The following CNOT1 variants were observed in gnomAD, a reference collection of about 807,000 sequenced individuals.
CNOT1 encodes CCR4-associated factor 1.
A neutral mutation model predicts 273.8 loss-of-function variants in CNOT1; 15 were observed. The ratio of observed to expected loss-of-function variants is 0.05; its 90% confidence interval spans 0.04 to 0.08. The LOEUF (loss-of-function observed/expected upper bound fraction) is 0.08, where lower values mean the gene tolerates loss of function less well. Ranked by LOEUF, CNOT1 falls within the 10% of genes least tolerant of loss-of-function variation. The pLI is 1.00. For synonymous variants in CNOT1, 1,022 were observed against 1,005.5 expected (o/e 1.02, Z -0.31); for missense variants, 1,644 against 2,912.2 (o/e 0.56, Z 10.02).
intron 16 of CNOT1, among the ~76,000 whole-genome samples, chr16:58,573,290 G>A (rs182681237): frequency 2.0e-5 from 3 of 149,166 alleles, no homozygotes; most frequent in African/African-American, 7.4e-5. Flanking sequence ...TGGGCAACAA[G>A]AGTGAAACTC....
At chr16:58,607,683 T>C (rs1397139558) in intron 1 of CNOT1, among the ~76,000 whole-genome samples, 4 of 133,216 alleles carry the variant, frequency 3.0e-5, no homozygotes, top group South Asian at 2.3e-4. Context: ...GCGGAGATCA[T>C]GCTATTGTAC....
At chr16:58,614,763 G>A (rs72790299) in intron 1 of CNOT1, among the ~76,000 whole-genome samples, 44,004 of 124,142 alleles carry the variant, frequency 0.35, 14,791 homozygotes, top group Middle Eastern at 0.44. Flanking sequence ...AGGATGGAGC[G>A]CAGTGGCCTG....
chr16:58,589,390 G>GT (rs1165838607), intron 2 of CNOT1, among the ~76,000 whole-genome samples: 1 of 152,100 alleles, frequency 6.6e-6, no homozygotes, highest in African/African-American at 2.4e-5. Context: ...ATGGGTGCCT[G>GT]TAACCCCAGC....
chr16:58,574,583 G>A, intron 16 of CNOT1, 26 bp downstream of exon 16: 1 of 1,546,228 alleles, frequency 6.5e-7, no homozygotes, highest in South Asian at 1.2e-5. Context: ...TTCAAAAAAA[G>A]TCATATTCAT....
chr16:58,574,228 A>AT (rs1375876572), intron 16 of CNOT1, among the ~76,000 whole-genome samples: 1 of 151,996 alleles, frequency 6.6e-6, no homozygotes, highest in African/African-American at 2.4e-5. Context: ...GTAAGCTATG[A>AT]TTGCACCACT....
intron 33 of CNOT1, among the ~76,000 whole-genome samples, 200 bp from the exon 34 acceptor site, chr16:58,541,820 C>A (rs2040103343): frequency 1.3e-5 from 2 of 152,194 alleles, no homozygotes; most frequent in African/African-American, 4.8e-5. Flanking sequence ...CTAAGAGTCA[C>A]CTCATTTATA....
chr16:58,595,295 C>T (rs2042214361), intron 2 of CNOT1, among the ~76,000 whole-genome samples: 2 of 151,712 alleles, frequency 1.3e-5, no homozygotes, highest in Non-Finnish European at 2.9e-5. Flanking sequence ...ATTCAATAAT[C>T]TACCATATTG....
chr16:58,575,672 G>A (rs530567559), intron 14 of CNOT1, among the ~76,000 whole-genome samples: 8 of 152,194 alleles, frequency 5.3e-5, no homozygotes, highest in East Asian at 1.9e-4. Flanking sequence ...GTTGGCAGGC[G>A]CCTGTAGTCC....
In CNOT1 at chr16:58,586,548, T is replaced by C. The variant is rs1232343514; in HGVS notation, c.634A>G (p.Arg212Gly). ...QIDAFLKTLR[R>G]DFPQERCPVV... ...TAGGCTACAAAGACTCCCTTACCTC[T>C]GCGCAGCGTCTTAAGAAAAGCGTCT... is the stretch of plus-strand genomic sequence containing the variant. The change falls in exon 7 of 49, where the codon AGA becomes GGA. Residue 212 changes from arginine to glycine, a missense_variant. By Grantham distance (125) the Arg-to-Gly change is moderately radical. Coordinates refer to ENST00000317147, the MANE Select transcript of CNOT1 (RefSeq NM_016284.5). 1 of 1,609,972 alleles carries C rather than the reference T, an allele frequency of 6.2e-7. No individual in the cohort carries two copies. Among genetic ancestry groups the C allele is most frequent in the Non-Finnish European group, 8.5e-7 (1 of 1,179,138 alleles).
chr16:58,581,479 G>A lies in CNOT1; in HGVS notation c.1081C>T (p.Leu361=), dbSNP rs1304168649. 1.2e-6 allele frequency: 2 copies of A among 1,612,150 alleles called. No individual in the cohort carries two copies. The highest frequency in any genetic ancestry group is 2.2e-5 in the East Asian group (1 of 44,856). ...SLNFKEVTYE[L]DHPGFQIRDS... ...CGAATTTGAAATCCAGGATGGTCCA[G>A]TTCATAAGTTACTTCCTTGAAATTC... The change falls in exon 11 of 49, where the codon CTG becomes TTG. Residue 361 remains leucine (L), a synonymous_variant. Transcript: ENST00000317147.
intron 16 of CNOT1, among the ~76,000 whole-genome samples, chr16:58,573,293 T>A: frequency 1.4e-5 from 2 of 145,502 alleles, no homozygotes; most frequent in South Asian, 4.4e-4. Flanking sequence ...GCAACAAGAG[T>A]GAAACTCCAT....
intron 2 of CNOT1, among the ~76,000 whole-genome samples, chr16:58,598,366 C>T (rs1029978446): frequency 6.7e-6 from 1 of 149,646 alleles, no homozygotes; most frequent in African/African-American, 2.5e-5. Flanking sequence ...CCACTGCACT[C>T]CAGCCTAGGC....
chr16:58,601,743 A>AAAAAAAAAAAAAAAC (rs2042473564), intron 1 of CNOT1, among the ~76,000 whole-genome samples: 1 of 149,676 alleles, frequency 6.7e-6, no homozygotes, highest in Non-Finnish European at 1.5e-5. Flanking sequence ...TTAAAAAAAA[A>AAAAAAAAAAAAAAAC]AAAAAAAAAA....
chr16:58,529,049 G>GA (rs1237710693), intron 43 of CNOT1, among the ~76,000 whole-genome samples: 43 of 151,608 alleles, frequency 2.8e-4, no homozygotes, highest in African/African-American at 9.9e-4. Context: ...TTAGTTATTA[G>GA]AAAAAATAAA....
intron 2 of CNOT1, among the ~76,000 whole-genome samples, chr16:58,597,326 T>A (rs956890634): frequency 6.6e-6 from 1 of 151,540 alleles, no homozygotes; most frequent in Non-Finnish European, 1.5e-5. Context: ...ATACAAAAAA[T>A]TAGCTGGGTG....
intron 39 of CNOT1, among the ~76,000 whole-genome samples, chr16:58,535,043 A>C (rs1267892752): frequency 1.3e-5 from 2 of 152,204 alleles, no homozygotes; most frequent in African/African-American, 2.4e-5. Context: ...TATGAACTAG[A>C]AGTGAAGCAC....
intron 21 of CNOT1, 70 bp downstream of exon 21, chr16:58,555,181 C>G (rs1454271165): frequency 7.7e-6 from 12 of 1,566,056 alleles, no homozygotes; most frequent in Non-Finnish European, 1.0e-5. Flanking sequence ...GCACTCCAGC[C>G]TGGATGAGAG....
chr16:58,551,789 G>A lies in CNOT1; in HGVS notation c.3001C>T (p.Pro1001Ser). ...ATAGAGCCTTGCATTTTCACAGGAG[G>A]ATCTCTAGACTGCTGTCCATACTCA... The part of the protein sequence containing the change: ...YIEYGQQSRD[P>S]PVKMQGSITT... The change falls in exon 23 of 49, where the codon CCT (proline) becomes TCT (serine). Residue 1001 changes from proline (P) to serine (S), a missense_variant. Coordinates refer to ENST00000317147, the MANE Select transcript of CNOT1 (RefSeq NM_016284.5). 6.2e-7 allele frequency: 1 copy of A among 1,614,174 alleles called. No individual in the cohort carries two copies. The highest frequency in any genetic ancestry group is 8.5e-7 in the Non-Finnish European group (1 of 1,180,028).
intron 1 of CNOT1, among the ~76,000 whole-genome samples, chr16:58,629,354 G>A (rs2043728830): frequency 6.6e-6 from 1 of 152,286 alleles, no homozygotes; most frequent in Middle Eastern, 3.4e-3. Context: ...GGAGGTCGTG[G>A]AGGTCTCAGA....
Sources: allele counts gnomAD v4.1 joint callset (sites outside exome capture counted in the v4.1 genomes callset), GRCh38; gene constraint gnomAD v4.1.1; transcripts MANE v1.5; gene names NCBI Gene and HGNC (gene_info 2026-07-23, HGNC 2026-07-21).